The following TXNL4A variants were observed in gnomAD, a reference collection of about 807,000 sequenced individuals.
TXNL4A encodes the protein thioredoxin-like protein 4A.
TXNL4A carries 17 observed loss-of-function variants against 14.6 expected under a neutral mutation model. That is an observed-to-expected ratio of 1.16 (90% CI 0.80 to 1.74). The LOEUF is 1.74. Among genes scored for constraint, TXNL4A ranks in the 40% most tolerant of loss-of-function variants. The pLI is 0.00. For synonymous variants in TXNL4A, 83 were observed against 70.6 expected, an observed-to-expected ratio of 1.18 and a Z score of -0.88; for missense variants, 74 against 195.2, an observed-to-expected ratio of 0.38 and a Z score of 3.70.
chr18:80,020,217 A>G (rs1230100769), intron 1 of TXNL4A, among the ~76,000 whole-genome samples: 1 of 152,094 alleles, frequency 6.6e-6, no homozygotes, highest in Admixed American at 6.5e-5. Flanking sequence ...TTGGCTGCAT[A>G]GATTTGCACC....
intron 1 of TXNL4A, among the ~76,000 whole-genome samples, chr18:79,987,783 T>TA (rs924186485): frequency 1.2e-4 from 18 of 152,216 alleles, no homozygotes; most frequent in South Asian, 2.1e-4. Context: ...CGTGGTGGGA[T>TA]AAAAAAACAC....
At chr18:79,977,972 G>A (rs187545268) in intron 1 of TXNL4A, 16 of 394,762 alleles carry the variant, frequency 4.1e-5, no homozygotes, top group East Asian at 3.5e-4. Flanking sequence ...CCTGGCCAAC[G>A]GGGCAATTTT....
rs900319438 is a variant in TXNL4A at position 80,011,974 on chromosome 18, C to T, written c.-61+21877G>A. Among the ~76,000 whole-genome samples the T allele has an allele frequency of 2.0e-5, 3 of 152,072 alleles. No individual in the cohort carries two copies. Among genetic ancestry groups the T allele is most frequent in the African/African-American group, 4.8e-5 (2 of 41,406 alleles). ...CACTGATTAATCCTTTTCCTCATCC[C>T]TTCCTCCCCCTCCCATCTGCCCTAA... On this transcript the variant is annotated intron_variant, in intron 1 of 2. Coordinates refer to the TXNL4A transcript ENST00000585474. The surrounding 1 kb of genome is among the most constrained non-coding windows in gnomAD (Gnocchi z 4.1).
At chr18:80,013,156 T>C (rs1488940037) in intron 1 of TXNL4A, among the ~76,000 whole-genome samples, 2 of 150,204 alleles carry the variant, frequency 1.3e-5, no homozygotes, top group African/African-American at 2.4e-5. Flanking sequence ...AGTCTGGCTC[T>C]GTCCCCCAGG....
intron 1 of TXNL4A, among the ~76,000 whole-genome samples, chr18:80,001,528 T>C (rs557799055): frequency 6.6e-6 from 1 of 152,158 alleles, no homozygotes; most frequent in South Asian, 2.1e-4. Context: ...CTCCAGCCCA[T>C]GAAAGCAGCC....
rs1008935549 is a variant in TXNL4A at position 79,971,404 on chromosome 18, T to G, written c.*2281A>C. On this transcript the variant is annotated 3_prime_UTR_variant, in exon 3 of 3. Coordinates refer to ENST00000269601, the MANE Select transcript of TXNL4A (RefSeq NM_006701.5). ...GTGCAGTGGCACAACCATGGCTTAC[T>G]GCAGCCTTGACCTCTGGGGCTTAAG... 4 of 152,358 alleles carry G rather than the reference T, an allele frequency of 2.6e-5. No homozygotes were observed. The highest frequency in any genetic ancestry group is 5.9e-5 in the Non-Finnish European group (4 of 68,128). The allele number at this position is 152,358 out of a possible 1,614,324, so 9.4% of individuals were successfully genotyped here.
Position 79,973,603 on chromosome 18 carries a change from T to A in TXNL4A, c.*82A>T. 3 of 1,509,832 alleles carry A rather than the reference T, an allele frequency of 2.0e-6. No individual in the cohort carries two copies. Among genetic ancestry groups the A allele is most frequent in the Non-Finnish European group, 2.7e-6 (3 of 1,129,520 alleles). 93.5% of individuals were successfully genotyped at this position (1,509,832 alleles called of 1,614,324 possible). A position where few individuals can be genotyped will look rare whatever the true frequency, so the allele number is the denominator to read the frequency against. On this transcript the variant is annotated 3_prime_UTR_variant, in exon 3 of 3. Transcript: ENST00000269601. ...TGCTCCAGCCCTGGAGCTTCCTGTA[T>A]TTTCCAAAGGCTTTAAATAGCTTAA...
At chr18:79,996,402 T>C (rs982440264) in intron 1 of TXNL4A, among the ~76,000 whole-genome samples, 2 of 152,186 alleles carry the variant, frequency 1.3e-5, no homozygotes, top group African/African-American at 4.8e-5. Flanking sequence ...GGTGGCTGTG[T>C]CTAATAAAAC....
In TXNL4A at chr18:79,983,189, T is replaced by G. The variant is rs189936701; in HGVS notation, c.153+5051A>C. Among the ~76,000 whole-genome samples the G allele has an allele frequency of 3.4e-3, 525 of 152,178 alleles. 3 individuals are homozygous for G. The highest frequency in any genetic ancestry group is 4.6e-3 in the Non-Finnish European group (313 of 68,000). On this transcript the variant is annotated intron_variant, in intron 1 of 2. Coordinates refer to ENST00000269601, the MANE Select transcript of TXNL4A (RefSeq NM_006701.5). Reference sequence around the variant, plus strand: ...CTAAGTTTTGTATTTTTAGTAGAGATGGGGTTTCAACATGTTGGCCAAGCT... The same window carrying G: ...CTAAGTTTTGTATTTTTAGTAGAGAGGGGGTTTCAACATGTTGGCCAAGCT...
At chr18:80,000,035 T>C (rs905948171) in intron 1 of TXNL4A, among the ~76,000 whole-genome samples, 6 of 152,226 alleles carry the variant, frequency 3.9e-5, no homozygotes, top group African/African-American at 1.4e-4. Flanking sequence ...TTTTTCTTGA[T>C]AAATTACCCA....
In TXNL4A at chr18:80,021,665, G is replaced by A. The variant is rs1454916644; in HGVS notation, c.-61+12186C>T. Among the ~76,000 whole-genome samples, 3 of 152,232 alleles carry A rather than the reference G, an allele frequency of 2.0e-5. 1 individual carries two copies. In the East Asian group the frequency reaches 5.8e-4, roughly 29 times the overall value. ...GCTTTATTAACAAGATGGAGGTTCT[G>A]AACTAGCCTGCATTTCCCACTGGGT... On this transcript the variant is annotated intron_variant, in intron 1 of 2. Transcript: ENST00000585474.
chr18:79,975,256 G>C (rs749072852), intron 2 of TXNL4A, among the ~76,000 whole-genome samples: 1 of 152,222 alleles, frequency 6.6e-6, no homozygotes, highest in African/African-American at 2.4e-5. Flanking sequence ...TGGGAATCCT[G>C]TCTTATCTGA....
At chr18:80,015,886 A>G (rs2051805466) in intron 1 of TXNL4A, among the ~76,000 whole-genome samples, 1 of 140,108 alleles carries the variant, frequency 7.1e-6, no homozygotes, top group Non-Finnish European at 1.5e-5. Context: ...CAGTAATGGG[A>G]TGGCTGGGTC....
intron 1 of TXNL4A, among the ~76,000 whole-genome samples, chr18:80,026,652 G>A (rs1469513201): frequency 6.6e-6 from 1 of 152,078 alleles, no homozygotes; most frequent in Non-Finnish European, 1.5e-5. Flanking sequence ...ACAATCTTAC[G>A]TTTTAAGTAC....
rs866804750 is a variant in TXNL4A, at chr18:79,982,656, G to A, written c.154-4955C>T. On this transcript the variant is annotated intron_variant, in intron 1 of 2. Transcript: ENST00000269601. This position sits in a 1 kb window ranked among gnomAD's most constrained non-coding sequence, Gnocchi z 4.0. ...ACGATATGGGAACGGGGACACTGCA[G>A]GGGCTGAAGGACTGAGGAACAGAGG... 4.6e-5 allele frequency among the ~76,000 whole-genome samples: 7 copies of A among 152,222 alleles called. No individual in the cohort carries two copies. Among genetic ancestry groups the A allele is most frequent in the Non-Finnish European group, 1.0e-4 (7 of 68,044 alleles).
intron 1 of TXNL4A, among the ~76,000 whole-genome samples, chr18:80,027,670 TAG>T (rs2051893759): frequency 1.3e-5 from 2 of 152,206 alleles, no homozygotes; most frequent in Non-Finnish European, 2.9e-5. Flanking sequence ...ATTCAGTATG[TAG>T]GTGACCTTCT....
intron 1 of TXNL4A, among the ~76,000 whole-genome samples, chr18:80,015,810 T>C (rs11664272): frequency 0.75 from 105,013 of 139,874 alleles, 40,077 homozygotes; most frequent in East Asian, 0.91. Context: ...TGAATAGTGC[T>C]GCAATAAACA....
chr18:79,972,351 C>T lies in TXNL4A; in HGVS notation c.*1334G>A, dbSNP rs1011173950. The T allele has an allele frequency of 6.6e-6, 1 of 152,396 alleles. No homozygotes were observed. The highest frequency in any genetic ancestry group is 2.4e-5 in the African/African-American group (1 of 41,470). The allele number at this position is 152,396 out of a possible 1,614,324, so 9.4% of individuals were successfully genotyped here. On this transcript the variant is annotated 3_prime_UTR_variant, in exon 3 of 3. Coordinates refer to ENST00000269601, the MANE Select transcript of TXNL4A (RefSeq NM_006701.5). ...TCAAGTGCCCCCATCCCTGCCCTTC[C>T]TCACTTTCACTTCAGAGCTCGAGTG...
chr18:79,976,113 C>G (rs1255134810), intron 2 of TXNL4A, among the ~76,000 whole-genome samples: 1 of 152,192 alleles, frequency 6.6e-6, no homozygotes, highest in Non-Finnish European at 1.5e-5. Flanking sequence ...TATCCCGACG[C>G]CCAGAACCAC....
Sources: allele counts gnomAD v4.1 joint callset (sites outside exome capture counted in the v4.1 genomes callset), GRCh38; gene constraint gnomAD v4.1.1; non-coding constraint Gnocchi (gnomAD v3.1); transcripts MANE v1.5; gene names NCBI Gene and HGNC (gene_info 2026-07-23, HGNC 2026-07-21).